Variants in RGS6 observed in about 807,000 individuals in gnomAD.
The protein encoded by RGS6 is regulator of G protein signaling 6.
A neutral mutation model predicts 78.5 loss-of-function variants in RGS6; 30 were observed. The ratio of observed to expected loss-of-function variants is 0.38; its 90% CI spans 0.29 to 0.52. The LOEUF (loss-of-function observed/expected upper bound fraction) is 0.52. Ranked by LOEUF, RGS6 falls within the 20% of genes least tolerant of loss-of-function variation. The pLI, the probability that RGS6 is intolerant of heterozygous loss-of-function variation, is 0.85. For missense variants in RGS6, 495 were observed against 609.7 expected (o/e 0.81, Z 1.98); for synonymous variants, 206 against 206.0 (o/e 1.00, Z 0.00).
chr14:71,941,921 G>T (rs35607894), intron 1 of RGS6, among the ~76,000 whole-genome samples: 17 of 151,860 alleles, frequency 1.1e-4, no homozygotes, highest in Admixed American at 1.0e-3. Flanking sequence ...CTTTTCACAG[G>T]CTTTCACAGT....
At chr14:72,458,249 T>C (rs771704210) in intron 4 of RGS6, 22 bp from the exon 5 acceptor site, 1 of 1,565,130 alleles carries the variant, frequency 6.4e-7, no homozygotes, top group East Asian at 2.3e-5. Flanking sequence ...ATTCCTTCTC[T>C]CTCTATGCAC....
intron 2 of RGS6, among the ~76,000 whole-genome samples, chr14:72,332,114 G>A: frequency 6.6e-6 from 1 of 152,332 alleles, no homozygotes. Context: ...AGGAGGTGCA[G>A]CCTGTGGCCC....
At chr14:71,975,031 G>A (rs2094032486) in intron 2 of RGS6, among the ~76,000 whole-genome samples, 1 of 152,184 alleles carries the variant, frequency 6.6e-6, no homozygotes, top group South Asian at 2.1e-4. Flanking sequence ...GTACATGCCT[G>A]TAGTCCCAGC....
At chr14:72,427,748 C>T (rs2094486602) in intron 3 of RGS6, among the ~76,000 whole-genome samples, 2 of 152,110 alleles carry the variant, frequency 1.3e-5, no homozygotes, top group African/African-American at 4.8e-5. Context: ...TGAAGGGGAC[C>T]CATTTGATAT....
chr14:72,113,210 C>T (rs537821287), intron 2 of RGS6, among the ~76,000 whole-genome samples: 1 of 152,318 alleles, frequency 6.6e-6, no homozygotes, highest in South Asian at 2.1e-4. Context: ...GGAATGGTGC[C>T]TTATATTAGT....
At chr14:71,982,663 C>T (rs1237991361) in intron 2 of RGS6, among the ~76,000 whole-genome samples, 1 of 152,210 alleles carries the variant, frequency 6.6e-6, no homozygotes, top group Non-Finnish European at 1.5e-5. Context: ...TGTTCAGCTT[C>T]TTGATCATGC....
At chr14:72,052,179 C>A (rs1596646021) in intron 2 of RGS6, among the ~76,000 whole-genome samples, 1 of 152,052 alleles carries the variant, frequency 6.6e-6, no homozygotes, top group South Asian at 2.1e-4. Context: ...TTGTTTATCC[C>A]CCCAAAAAGC....
intron 2 of RGS6, among the ~76,000 whole-genome samples, chr14:72,127,129 A>T (rs1366332621): frequency 6.6e-6 from 1 of 152,218 alleles, no homozygotes; most frequent in Non-Finnish European, 1.5e-5. Flanking sequence ...AGACTGCCAT[A>T]AACTCTAGGG....
At chr14:72,173,286 C>T (rs1352671420) in intron 2 of RGS6, among the ~76,000 whole-genome samples, 1 of 152,030 alleles carries the variant, frequency 6.6e-6, no homozygotes, top group Non-Finnish European at 1.5e-5. Context: ...AATGATCTGG[C>T]TCAGAATGTC....
At chr14:71,885,076 C>T in the RGS6 span, among the ~76,000 whole-genome samples, 1 of 152,204 alleles carries the variant, frequency 6.6e-6, no homozygotes, top group East Asian at 1.9e-4. Context: ...CTTAGCATAT[C>T]CCTCAGCTGG....
chr14:72,568,428 C>T (rs569059737), downstream of RGS6, among the ~76,000 whole-genome samples: 1 of 152,290 alleles, frequency 6.6e-6, no homozygotes, highest in Admixed American at 6.5e-5. Context: ...GGACAACTTC[C>T]CTGGCAGCCT....
At chr14:72,180,516 T>C (rs1276726058) in intron 2 of RGS6, among the ~76,000 whole-genome samples, 2 of 152,250 alleles carry the variant, frequency 1.3e-5, no homozygotes, top group African/African-American at 2.4e-5. Context: ...TATCATAGAC[T>C]CAATTGGCTA....
intron 3 of RGS6, among the ~76,000 whole-genome samples, chr14:72,441,395 C>T (rs1217376511): frequency 6.6e-6 from 1 of 152,206 alleles, no homozygotes; most frequent in African/African-American, 2.4e-5. Context: ...CAGGCCTTGA[C>T]CCCTTATCTA....
At chr14:72,314,895 G>A (rs906977353) in intron 2 of RGS6, among the ~76,000 whole-genome samples, 5 of 152,304 alleles carry the variant, frequency 3.3e-5, no homozygotes, top group African/African-American at 1.2e-4. Context: ...TAAATTCTGT[G>A]CATGTGAAGT....
intron 13 of RGS6, among the ~76,000 whole-genome samples, chr14:72,503,492 T>C (rs894474454): frequency 6.9e-6 from 1 of 145,934 alleles, no homozygotes; most frequent in African/African-American, 2.7e-5. Context: ...TCTCCAGCTG[T>C]GAACTTGTGA....
intron 2 of RGS6, among the ~76,000 whole-genome samples, chr14:72,024,337 G>A (rs1285871371): frequency 6.6e-6 from 1 of 152,158 alleles, no homozygotes; most frequent in African/African-American, 2.4e-5. Flanking sequence ...ATTCAGATAC[G>A]TGGCTGGCAC....
At chr14:72,115,889 CTT>C (rs762574498) in intron 2 of RGS6, among the ~76,000 whole-genome samples, 2 of 152,188 alleles carry the variant, frequency 1.3e-5, no homozygotes, top group Non-Finnish European at 2.9e-5. Context: ...CTGAAAGAAT[CTT>C]TGTTGGTTCA....
rs1230346195 is a variant in RGS6 at position 72,414,226 on chromosome 14, C to T, written c.185-40302C>T. Among the ~76,000 whole-genome samples the T allele has an allele frequency of 2.0e-5, 3 of 152,214 alleles. No homozygotes were observed. In the East Asian group the frequency reaches 5.8e-4, roughly 29 times the overall value. On this transcript the variant is annotated intron_variant, in intron 3 of 17. Coordinates refer to ENST00000553525, the MANE Select transcript of RGS6 (RefSeq NM_001204424.2). ...TACACCAATCAGACGTAGATTTGGG[C>T]TTTTCACATACTCCCGTATTTCTTG...
At chr14:72,163,142 C>T (rs1451551671) in intron 2 of RGS6, among the ~76,000 whole-genome samples, 1 of 152,114 alleles carries the variant, frequency 6.6e-6, no homozygotes, top group Non-Finnish European at 1.5e-5. Flanking sequence ...CACAAATCAC[C>T]ACTAAAATAC....
Sources: gnomAD v4.1 joint callset for allele counts (sites outside exome capture counted in the v4.1 genomes callset) on GRCh38, gnomAD v4.1.1 for gene constraint, MANE v1.5 for transcripts, NCBI Gene and HGNC (gene_info 2026-07-23, HGNC 2026-07-21) for gene names.